The following PTPRD variants were observed in gnomAD, a reference collection of about 807,000 sequenced individuals.
PTPRD encodes the protein protein tyrosine phosphatase receptor type D, also known as receptor-type tyrosine-protein phosphatase delta.
A neutral mutation model predicts 214.5 loss-of-function variants in PTPRD; 34 were observed. That is an observed-to-expected ratio of 0.16 (90% CI 0.12 to 0.21). The LOEUF is 0.21. PTPRD is among the 10% of genes least tolerant of loss of function. The probability of loss-of-function intolerance (pLI) is 1.00; values close to 1 mark genes in which losing one functional copy is unlikely to be tolerated. For missense variants in PTPRD, 2,545 were observed against 2,398.7 expected, an observed-to-expected ratio of 1.06 and a Z score of -1.27; for synonymous variants, 1,128 against 845.7, an observed-to-expected ratio of 1.33 and a Z score of -5.79.
At chr9:9,411,060 T>C (rs1180840742) in intron 8 of PTPRD, among the ~76,000 whole-genome samples, 2 of 152,142 alleles carry the variant, frequency 1.3e-5, no homozygotes, top group African/African-American at 2.4e-5. Flanking sequence ...TGTATGTGTG[T>C]GTGTGTTGGA....
intron 5 of PTPRD, among the ~76,000 whole-genome samples, chr9:9,901,498 T>A (rs956639327): frequency 6.6e-6 from 1 of 151,960 alleles, no homozygotes; most frequent in Non-Finnish European, 1.5e-5. Context: ...ATAAATAAAA[T>A]ATATTAAATA....
At chr9:10,065,084 T>G (rs546151105) in intron 3 of PTPRD, among the ~76,000 whole-genome samples, 2 of 150,400 alleles carry the variant, frequency 1.3e-5, no homozygotes, top group South Asian at 4.2e-4. Flanking sequence ...ATTGCTACGC[T>G]GTCTCTGGAA....
chr9:9,363,612 T>C (rs2056954283), intron 9 of PTPRD, among the ~76,000 whole-genome samples: 1 of 151,224 alleles, frequency 6.6e-6, no homozygotes, highest in Non-Finnish European at 1.5e-5. Context: ...GTAAAGCTCA[T>C]AGATGCAGGG....
chr9:10,430,027 CTT>C (rs1165225311), intron 2 of PTPRD, among the ~76,000 whole-genome samples: 1 of 151,892 alleles, frequency 6.6e-6, no homozygotes, highest in Non-Finnish European at 1.5e-5. Context: ...ATTTGGTACT[CTT>C]TATAAACTTT....
chr9:8,498,858 T>G (rs927731609), intron 25 of PTPRD, among the ~76,000 whole-genome samples: 1 of 152,148 alleles, frequency 6.6e-6, no homozygotes, highest in Admixed American at 6.5e-5. Flanking sequence ...TCAAGCGAAT[T>G]TATTATGGGA....
intron 8 of PTPRD, among the ~76,000 whole-genome samples, chr9:9,568,156 C>T (rs1392912146): frequency 6.6e-6 from 1 of 151,726 alleles, no homozygotes; most frequent in Non-Finnish European, 1.5e-5. Context: ...TAATAAGAAG[C>T]CTTTCTTAAA....
chr9:8,333,587 C>T (rs1843580076), intron 43 of PTPRD, among the ~76,000 whole-genome samples: 1 of 152,126 alleles, frequency 6.6e-6, no homozygotes, highest in African/African-American at 2.4e-5. Context: ...CTGGTACCAG[C>T]CACTGCAAAA....
chr9:9,885,707 A>G (rs1016961975), intron 5 of PTPRD, among the ~76,000 whole-genome samples: 1 of 152,078 alleles, frequency 6.6e-6, no homozygotes, highest in Admixed American at 6.6e-5. Context: ...CAACCTCCAG[A>G]AAAGGCAACA....
At chr9:8,439,452 G>T (rs953718271) in intron 34 of PTPRD, among the ~76,000 whole-genome samples, 1 of 152,198 alleles carries the variant, frequency 6.6e-6, no homozygotes. Flanking sequence ...TGAAGGGAGA[G>T]AGTACTTACT....
intron 33 of PTPRD, among the ~76,000 whole-genome samples, chr9:8,453,731 T>C (rs2096061927): frequency 6.6e-6 from 1 of 152,164 alleles, no homozygotes; most frequent in Non-Finnish European, 1.5e-5. Flanking sequence ...CTTGTTAAAA[T>C]ACAGCCTGGT....
intron 11 of PTPRD, among the ~76,000 whole-genome samples, chr9:8,931,415 T>C (rs1198225015): frequency 1.3e-5 from 2 of 152,178 alleles, no homozygotes; most frequent in Non-Finnish European, 2.9e-5. Flanking sequence ...AGCTTTGTTC[T>C]TTTGGCTTAG....
chr9:10,230,494 A>G (rs980235657), intron 3 of PTPRD, among the ~76,000 whole-genome samples: 11 of 144,182 alleles, frequency 7.6e-5, no homozygotes, highest in African/African-American at 2.6e-4. Context: ...CTACCTATCC[A>G]TCTATTATCT....
chr9:9,144,104 C>G (rs1592352060), intron 10 of PTPRD, among the ~76,000 whole-genome samples: 1 of 152,170 alleles, frequency 6.6e-6, no homozygotes, highest in Admixed American at 6.5e-5. Flanking sequence ...TCTTTCATTA[C>G]AGATCCATAT....
intron 44 of PTPRD, among the ~76,000 whole-genome samples, chr9:8,325,749 G>A (rs569126723): frequency 5.3e-5 from 8 of 152,046 alleles, no homozygotes; most frequent in South Asian, 2.1e-4. Context: ...GTCCTCTCTT[G>A]TTTCATTGAA....
chr9:9,545,684 A>G (rs1431107826), intron 8 of PTPRD, among the ~76,000 whole-genome samples: 1 of 151,794 alleles, frequency 6.6e-6, no homozygotes, highest in Non-Finnish European at 1.5e-5. Context: ...CTGTTCTTTC[A>G]TCAGTATCAC....
intron 2 of PTPRD, among the ~76,000 whole-genome samples, chr9:10,559,351 T>C (rs1215478056): frequency 1.3e-5 from 2 of 152,166 alleles, no homozygotes; most frequent in Non-Finnish European, 2.9e-5. Context: ...ATGTGATTAT[T>C]TAAATTTAAC....
intron 39 of PTPRD, among the ~76,000 whole-genome samples, chr9:8,353,990 C>A (rs1328048082): frequency 7.7e-6 from 1 of 130,370 alleles, no homozygotes; most frequent in East Asian, 2.1e-4. Flanking sequence ...GAAGGAGTCT[C>A]ACTCTGTTGC....
chr9:10,415,346 T>C (rs1449531211), intron 2 of PTPRD, among the ~76,000 whole-genome samples: 3 of 151,854 alleles, frequency 2.0e-5, no homozygotes, highest in Non-Finnish European at 2.9e-5. Flanking sequence ...ACAATATTTC[T>C]GGTAAAATTT....
chr9:9,071,306 G>A (rs1411234550), intron 10 of PTPRD, among the ~76,000 whole-genome samples: 2 of 152,190 alleles, frequency 1.3e-5, no homozygotes, highest in South Asian at 4.1e-4. Context: ...TATGGCAAAG[G>A]TGAAGGGCTA....
Sources: gnomAD v4.1 joint callset for allele counts (sites outside exome capture counted in the v4.1 genomes callset) on GRCh38, gnomAD v4.1.1 for gene constraint, MANE v1.5 for transcripts, NCBI Gene and HGNC (gene_info 2026-07-23, HGNC 2026-07-21) for gene names.